Variants in RREB1 observed in about 807,000 individuals in gnomAD.
RREB1 encodes ras-responsive element-binding protein 1.
Under a neutral mutation model 117.8 loss-of-function variants are expected in RREB1, and 27 were observed. That is an observed-to-expected ratio of 0.23 (90% confidence interval 0.17 to 0.32). The LOEUF is 0.32. Among genes scored for constraint, RREB1 ranks in the 10% least tolerant of loss-of-function variants. The pLI is 1.00. For synonymous variants in RREB1, 1,298 were observed against 1,026.7 expected (o/e 1.26, Z -5.05); for missense variants, 2,577 against 2,378.2 (o/e 1.08, Z -1.74).
At chr6:7,187,247 C>T (rs1458760948) in intron 4 of RREB1, among the ~76,000 whole-genome samples, 187 bp from the exon 5 acceptor site, 3 of 152,118 alleles carry the variant, frequency 2.0e-5, no homozygotes, top group Admixed American at 6.6e-5. Context: ...ACTGTTTTTC[C>T]CATCTTTCAA....
intron 1 of RREB1, among the ~76,000 whole-genome samples, chr6:7,109,725 C>G (rs553232592): frequency 2.0e-5 from 3 of 152,354 alleles, no homozygotes; most frequent in South Asian, 2.1e-4. Flanking sequence ...CAGATCCGGA[C>G]GAGCAGTTCA....
intron 4 of RREB1, chr6:7,184,724 C>G (rs948328341): frequency 6.6e-6 from 1 of 152,034 alleles, no homozygotes; most frequent in African/African-American, 2.4e-5. Context: ...GCCCCACCAG[C>G]CGCACAGTGT....
chr6:7,249,027 TG>T lies in RREB1; in HGVS notation c.*63del. The T allele has an allele frequency of 4.5e-6, 6 of 1,339,848 alleles. No individual in the cohort carries two copies. The highest frequency in any genetic ancestry group is 5.9e-6 in the Non-Finnish European group (6 of 1,013,844). The allele number at this position is 1,339,848 out of a possible 1,614,324, so 83.0% of individuals were successfully genotyped here. A position where few individuals can be genotyped will look rare whatever the true frequency, so the allele number is the denominator to read the frequency against. On this transcript the variant is annotated 3_prime_UTR_variant, in exon 13 of 13. Coordinates refer to ENST00000379938, the MANE Select transcript of RREB1 (RefSeq NM_001003699.4). ...AGCAGAGCAAAGCGTCTATACTTCATGGGGTTTCCTCAGTGCCCTTTGGCTG... is the reference window on the plus strand; with the variant it reads ...AGCAGAGCAAAGCGTCTATACTTCATGGGTTTCCTCAGTGCCCTTTGGCTG...
At chr6:7,126,032 T>C (rs897013400) in intron 1 of RREB1, among the ~76,000 whole-genome samples, 3 of 149,484 alleles carry the variant, frequency 2.0e-5, no homozygotes, top group East Asian at 3.9e-4. Context: ...GACGGAGTCT[T>C]GCTCTGTCGC....
At chr6:7,240,317 C>A in intron 10 of RREB1, 121 bp from the exon 11 acceptor site, 2 of 568,642 alleles carry the variant, frequency 3.5e-6, no homozygotes, top group East Asian at 3.2e-5. Flanking sequence ...TGTTAATTTT[C>A]TTGAAGGGAT....
chr6:7,189,348 G>A (rs1378976983), intron 6 of RREB1, 26 bp downstream of exon 6: 15 of 1,544,160 alleles, frequency 9.7e-6, no homozygotes, highest in Non-Finnish European at 1.2e-5. Context: ...CTTTGCTTGG[G>A]GGGTTGGCTG....
intron 6 of RREB1, among the ~76,000 whole-genome samples, chr6:7,190,602 C>G (rs559441460): frequency 6.6e-6 from 1 of 152,226 alleles, no homozygotes; most frequent in Non-Finnish European, 1.5e-5. Context: ...ATGGGTTATT[C>G]TCTTTGCCCC....
chr6:7,109,065 G>C (rs1431749609), intron 1 of RREB1, among the ~76,000 whole-genome samples: 1 of 151,822 alleles, frequency 6.6e-6, no homozygotes, highest in Non-Finnish European at 1.5e-5. Flanking sequence ...AGCACAGGAA[G>C]GAGGCCGGGA....
chr6:7,228,969 C>A, intron 9 of RREB1, 28 bp from the exon 10 acceptor site: 2 of 1,478,962 alleles, frequency 1.4e-6, no homozygotes, highest in Admixed American at 4.7e-5. Flanking sequence ...CATGTGTTCC[C>A]TTGCTTTTAC....
At chr6:7,195,597 C>T (rs1490401542) in intron 6 of RREB1, among the ~76,000 whole-genome samples, 5 of 152,184 alleles carry the variant, frequency 3.3e-5, no homozygotes, top group Admixed American at 6.5e-5. Context: ...GGAAATCAGT[C>T]GATCTGTGAG....
chr6:7,248,053 C>T (rs967227077), intron 12 of RREB1, among the ~76,000 whole-genome samples: 38 of 152,334 alleles, frequency 2.5e-4, no homozygotes, highest in African/African-American at 9.1e-4. Flanking sequence ...TGGGCCCTGC[C>T]CTGGGCCTGG....
chr6:7,243,893 GA>G lies in RREB1; in HGVS notation c.3974-2519del, dbSNP rs56261805. Among the ~76,000 whole-genome samples the G allele has an allele frequency of 9.1e-3, 1,319 of 145,058 alleles. 13 individuals are homozygous for G. The highest frequency in any genetic ancestry group is 0.035 in the Middle Eastern group (10 of 282). ...GTTAAAATAATGCATGTTCTTTGCTGAAAAAAAAAAAATAGAAGTGTAGTCT... is the reference window on the plus strand; with the variant it reads ...GTTAAAATAATGCATGTTCTTTGCTGAAAAAAAAAAATAGAAGTGTAGTCT... On this transcript the variant is annotated intron_variant, in intron 11 of 12. Coordinates refer to ENST00000379938, the MANE Select transcript of RREB1 (RefSeq NM_001003699.4).
At chr6:7,232,760 TTTC>T (rs1373046509) in intron 10 of RREB1, among the ~76,000 whole-genome samples, 1 of 126,050 alleles carries the variant, frequency 7.9e-6, no homozygotes, top group Non-Finnish European at 1.6e-5. Flanking sequence ...CTTTTTTCTT[TTTC>T]TTTTTTTTTT....
At chr6:7,158,405 A>G (rs1411925931) in intron 1 of RREB1, among the ~76,000 whole-genome samples, 2 of 151,154 alleles carry the variant, frequency 1.3e-5, no homozygotes, top group Admixed American at 1.3e-4. Flanking sequence ...CTCAGCCTAC[A>G]CCCCCTACTG....
chr6:7,155,877 T>C (rs530521603), intron 1 of RREB1, among the ~76,000 whole-genome samples: 46 of 152,352 alleles, frequency 3.0e-4, no homozygotes, highest in African/African-American at 1.1e-3. Flanking sequence ...TGTATTCCCT[T>C]GGCTTCTTTG....
chr6:7,204,853 G>A (rs1485208407), intron 6 of RREB1, among the ~76,000 whole-genome samples: 1 of 152,224 alleles, frequency 6.6e-6, no homozygotes, highest in Non-Finnish European at 1.5e-5. Flanking sequence ...AAGAATGTCT[G>A]AGACCTGCTC....
At chr6:7,156,104 A>T (rs1763349419) in intron 1 of RREB1, among the ~76,000 whole-genome samples, 1 of 152,228 alleles carries the variant, frequency 6.6e-6, no homozygotes, top group Non-Finnish European at 1.5e-5. Flanking sequence ...GGGCTTAACC[A>T]CGGGGTTTTT....
chr6:7,222,580 G>C (rs2714348), intron 8 of RREB1, among the ~76,000 whole-genome samples: 63,345 of 151,892 alleles, frequency 0.42, 15,640 homozygotes, highest in African/African-American at 0.7. Context: ...ACGTATGAAG[G>C]TGTCCAGAAA....
Position 7,230,814 on chromosome 6 carries a change from G to T in RREB1, c.2715G>T (p.Lys905Asn), listed in dbSNP as rs760464814. Reference sequence around the variant, plus strand: ...ATGAGCCCCTGGACTTCTCGCAGAAGGGCCTGGCCCTGGTCCAAGTGAAGC... The same window carrying T: ...ATGAGCCCCTGGACTTCTCGCAGAATGGCCTGGCCCTGGTCCAAGTGAAGC... Reference protein sequence around the residue: ...DFNEPLDFSQKGLALVQVKQE... With the variant: ...DFNEPLDFSQNGLALVQVKQE... Residue 905 changes from lysine (K) to asparagine (N), a missense_variant, in exon 10 of 13, where the codon AAG (lysine) becomes AAT (asparagine). Coordinates refer to ENST00000379938, the MANE Select transcript of RREB1 (RefSeq NM_001003699.4). The T allele has an allele frequency of 1.2e-6, 2 of 1,614,098 alleles. No homozygotes were observed. The highest frequency in any genetic ancestry group is 2.2e-5 in the South Asian group (2 of 91,086).
Sources: allele counts gnomAD v4.1 joint callset (sites outside exome capture counted in the v4.1 genomes callset), GRCh38; gene constraint gnomAD v4.1.1; transcripts MANE v1.5; gene names NCBI Gene and HGNC (gene_info 2026-07-23, HGNC 2026-07-21).